The following ZNF532 variants were observed in gnomAD, a reference collection of about 807,000 sequenced individuals.
The protein encoded by ZNF532 is zinc finger protein 532.
In ZNF532, 22 loss-of-function variants were observed where a neutral mutation model predicts 89.3. The ratio of observed to expected loss-of-function variants is 0.25; its 90% confidence interval spans 0.18 to 0.35. ZNF532 has a LOEUF of 0.35. ZNF532 is among the 10% of genes least tolerant of loss of function. The pLI, the probability that ZNF532 is intolerant of heterozygous loss-of-function variation, is 1.00. For synonymous variants in ZNF532, 606 were observed against 649.6 expected (o/e 0.93, Z 1.02); for missense variants, 1,132 against 1,643.4 (o/e 0.69, Z 5.38).
intron 4 of ZNF532, among the ~76,000 whole-genome samples, chr18:58,938,545 C>T (rs1322945274): frequency 6.6e-6 from 1 of 152,194 alleles, no homozygotes; most frequent in African/African-American, 2.4e-5. Context: ...CATGCAATTT[C>T]TTAAACAAAT....
chr18:58,942,000 C>A (rs1301208858), intron 5 of ZNF532, among the ~76,000 whole-genome samples: 1 of 140,268 alleles, frequency 7.1e-6, no homozygotes, highest in African/African-American at 2.7e-5. Context: ...CCCTTCCTTC[C>A]TTCCTTCTTT....
intron 5 of ZNF532, among the ~76,000 whole-genome samples, chr18:58,946,855 G>T (rs1238609899): frequency 6.6e-6 from 1 of 151,942 alleles, no homozygotes; most frequent in Non-Finnish European, 1.5e-5. Flanking sequence ...AAATCTTACG[G>T]GGAAAAAGAG....
At chr18:58,954,063 A>G (rs947003793) in intron 7 of ZNF532, 2 of 982,802 alleles carry the variant, frequency 2.0e-6, no homozygotes, top group Admixed American at 6.1e-5. Context: ...TATCACATTC[A>G]TATTTATAGC....
chr18:58,939,628 C>T lies in ZNF532; in HGVS notation c.2705+7C>T, dbSNP rs1432205452. On this transcript the variant is annotated splice_region_variant and intron_variant, in intron 5 of 9. Transcript: ENST00000591808. ...TCAAGATAGGAGAACCAAAGTAAGT[C>T]ATACCGACTTTCAAGTTTTACTCCA... The T allele has an allele frequency of 2.5e-6, 4 of 1,606,228 alleles. No individual in the cohort carries two copies. The highest frequency in any genetic ancestry group is 3.4e-6 in the Non-Finnish European group (4 of 1,176,958).
upstream of ZNF532, among the ~76,000 whole-genome samples, chr18:58,863,924 G>A (rs1268916687): frequency 6.6e-6 from 1 of 151,876 alleles, no homozygotes; most frequent in South Asian, 2.1e-4. Context: ...CCCTGGGCCT[G>A]CCCGCAGTGG....
At chr18:58,954,640 A>G (rs992942618) in intron 7 of ZNF532, among the ~76,000 whole-genome samples, 1 of 146,774 alleles carries the variant, frequency 6.8e-6, no homozygotes, top group Admixed American at 6.8e-5. Flanking sequence ...CCCTCACTTT[A>G]CTAGATTTAG....
intron 2 of ZNF532, among the ~76,000 whole-genome samples, chr18:58,874,741 C>T (rs574933662): frequency 2.0e-5 from 3 of 152,280 alleles, no homozygotes; most frequent in Admixed American, 6.5e-5. Flanking sequence ...GTGCAATTTA[C>T]GTTGACCAAA....
intron 3 of ZNF532, among the ~76,000 whole-genome samples, chr18:58,930,830 A>G (rs1247044178): frequency 6.6e-6 from 1 of 152,136 alleles, no homozygotes; most frequent in Non-Finnish European, 1.5e-5. Context: ...TAGTGTAAAT[A>G]TAAATAGTTG....
At chr18:58,942,268 C>T (rs1176639423) in intron 5 of ZNF532, among the ~76,000 whole-genome samples, 2 of 149,392 alleles carry the variant, frequency 1.3e-5, no homozygotes, top group African/African-American at 2.5e-5. Flanking sequence ...GTGATCCGCC[C>T]ACCTTGGCCT....
chr18:58,908,164 GTATGCTGT>G (rs1389057160), intron 2 of ZNF532, among the ~76,000 whole-genome samples: 1 of 152,200 alleles, frequency 6.6e-6, no homozygotes, highest in Non-Finnish European at 1.5e-5. Context: ...GGGGTTGAGT[GTATGCTGT>G]TATCCTCATT....
chr18:58,960,948 A>T (rs533939228), intron 7 of ZNF532, among the ~76,000 whole-genome samples: 1 of 152,344 alleles, frequency 6.6e-6, no homozygotes, highest in South Asian at 2.1e-4. Flanking sequence ...GATATGGCTT[A>T]GCTAAGTTCT....
chr18:58,938,204 G>T (rs1453665193), intron 4 of ZNF532, among the ~76,000 whole-genome samples: 1 of 152,092 alleles, frequency 6.6e-6, no homozygotes, highest in South Asian at 2.1e-4. Flanking sequence ...TTCCTTCCCT[G>T]GGTAGCTCAC....
At chr18:58,871,624 A>G (rs1326308581) in intron 2 of ZNF532, among the ~76,000 whole-genome samples, 1 of 152,260 alleles carries the variant, frequency 6.6e-6, no homozygotes, top group Non-Finnish European at 1.5e-5. Context: ...GAGAGGGCAC[A>G]GCAGGTGCTA....
In ZNF532 at chr18:58,919,958, T is replaced by G. The variant is rs759571648; in HGVS notation, c.1671T>G (p.Asn557Lys). 6.2e-7 allele frequency: 1 copy of G among 1,613,838 alleles called. No homozygotes were observed. Among genetic ancestry groups the G allele is most frequent in the Non-Finnish European group, 8.5e-7 (1 of 1,179,842 alleles). The change falls in exon 3 of 10, where the codon AAT becomes AAG. Residue 557 changes from asparagine to lysine, a missense_variant. Around this residue, in one of 9 missense-constraint regions of ZNF532, gnomAD observed 97 missense variants for 143.7 expected, o/e 0.68. Coordinates refer to ENST00000591808, the MANE Select transcript of ZNF532 (RefSeq NM_001375912.1). The surrounding 1 kb of genome is among the most constrained non-coding windows in gnomAD (Gnocchi z 6.1). ...PQQQIKQAII[N>K]AAASQPPKKV... Reference sequence around the variant, plus strand: ...AACAAATAAAGCAGGCAATAATCAATGCAGCAGCCTCGCAACCCCCCAAAA... The same window carrying G: ...AACAAATAAAGCAGGCAATAATCAAGGCAGCAGCCTCGCAACCCCCCAAAA...
chr18:58,886,319 C>G (rs968759092), intron 2 of ZNF532, among the ~76,000 whole-genome samples: 5 of 152,030 alleles, frequency 3.3e-5, no homozygotes. Context: ...TTTTACGTGT[C>G]TATATGCTTA....
intron 7 of ZNF532, 143 bp from the exon 8 acceptor site, chr18:58,978,912 C>A: frequency 1.6e-6 from 1 of 627,346 alleles, no homozygotes. Context: ...TGACATTTTC[C>A]ATGTGTAGTG....
intron 4 of ZNF532, among the ~76,000 whole-genome samples, chr18:58,935,098 TC>T (rs2062274298): frequency 8.8e-6 from 1 of 113,006 alleles, no homozygotes; most frequent in African/African-American, 3.6e-5. Context: ...TCCTCCCCAC[TC>T]CTCCTCCTCC....
intron 2 of ZNF532, among the ~76,000 whole-genome samples, chr18:58,877,611 T>C (rs1260790349): frequency 1.3e-5 from 2 of 152,228 alleles, no homozygotes; most frequent in African/African-American, 4.8e-5. Flanking sequence ...GAGAGTTCTG[T>C]GTTATATGAA....
At position 58,920,234 on chromosome 18, in the gene ZNF532, T is replaced by C. The variant is rs1313071165; in HGVS notation, c.1947T>C (p.Cys649=). ...SVRIEVTCNH[C]TKNLVFYNKC... ...GCATCGAAGTAACGTGCAACCATTG[T>C]ACAAAGAACCTCGTTTTTTACAACA... Residue 649 remains cysteine, a synonymous_variant, in exon 3 of 10, where the codon TGT becomes TGC. Transcript: ENST00000591808. 6.2e-7 allele frequency: 1 copy of C among 1,613,948 alleles called. No individual in the cohort carries two copies. Among genetic ancestry groups the C allele is most frequent in the Admixed American group, 1.7e-5 (1 of 60,022 alleles).
Sources: allele counts gnomAD v4.1 joint callset (sites outside exome capture counted in the v4.1 genomes callset), GRCh38; gene constraint gnomAD v4.1.1; regional missense constraint gnomAD v4.1.1; non-coding constraint Gnocchi (gnomAD v3.1); transcripts MANE v1.5; gene names NCBI Gene and HGNC (gene_info 2026-07-23, HGNC 2026-07-21).